CLUAP1: variants seen among roughly 807,000 people sequenced by gnomAD.
CLUAP1 encodes intraflagellar transport 38.
A neutral mutation model predicts 55.0 loss-of-function variants in CLUAP1; 50 were observed. The ratio of observed to expected loss-of-function variants is 0.91; its 90% CI spans 0.72 to 1.15. The LOEUF (loss-of-function observed/expected upper bound fraction) is 1.15, where lower values mean the gene tolerates loss of function less well. Among genes scored for constraint, CLUAP1 ranks in the 50% most tolerant of loss-of-function variants. CLUAP1 has a pLI of 0.00. For synonymous variants in CLUAP1, 195 were observed against 175.4 expected (o/e 1.11, Z -0.88); for missense variants, 530 against 507.6 (o/e 1.04, Z -0.42).
intron 8 of CLUAP1, 33 bp from the exon 9 acceptor site, chr16:3,526,379 A>C: frequency 6.6e-7 from 1 of 1,507,158 alleles, no homozygotes; most frequent in Non-Finnish European, 9.0e-7. Flanking sequence ...GAAAAGGGCC[A>C]TCTCTCCTGA....
chr16:3,496,153 A>G (rs2037306146), upstream of CLUAP1: 1 of 429,200 alleles, frequency 2.3e-6, no homozygotes, highest in South Asian at 1.9e-5. Context: ...AAAAAAAAAA[A>G]AGTTAAACAT....
intron 3 of CLUAP1, 141 bp downstream of exon 3, chr16:3,506,556 C>T (rs541918528): frequency 9.5e-5 from 65 of 683,734 alleles, no homozygotes; most frequent in African/African-American, 3.6e-4. Flanking sequence ...TCGCCCAGGC[C>T]GGAGTGCAGT....
At chr16:3,515,447 A>T (rs1399535618) in intron 5 of CLUAP1, 61 bp from the exon 6 acceptor site, 2 of 1,198,610 alleles carry the variant, frequency 1.7e-6, no homozygotes, top group East Asian at 4.8e-5. Flanking sequence ...TAGATCTAGG[A>T]ATACTGGTTT....
chr16:3,501,782 A>C (rs1482060534), intron 1 of CLUAP1, among the ~76,000 whole-genome samples: 1 of 151,952 alleles, frequency 6.6e-6, no homozygotes, highest in Non-Finnish European at 1.5e-5. Context: ...AAAAACAAAA[A>C]ACAAACCAAA....
At chr16:3,532,395 C>A (rs1432061204) in intron 10 of CLUAP1, among the ~76,000 whole-genome samples, 1 of 139,616 alleles carries the variant, frequency 7.2e-6, no homozygotes, top group Admixed American at 7.2e-5. Flanking sequence ...ATGTTTGGAG[C>A]ACAGTTGCTT....
chr16:3,538,907 G>A lies in CLUAP1; in HGVS notation c.*2636G>A, dbSNP rs1237748089. The A allele has an allele frequency of 3.3e-5, 5 of 152,186 alleles. No individual in the cohort carries two copies. The highest frequency in any genetic ancestry group is 1.2e-4 in the African/African-American group (5 of 41,448). The allele number at this position is 152,186 out of a possible 1,614,324, so 9.4% of individuals were successfully genotyped here. ...AGCAGAGCAGACCTCAGGACCTAAC[G>A]AGGATGGTTGTGATTAGGTCAAATA... On this transcript the variant is annotated 3_prime_UTR_variant, in exon 12 of 12. Transcript: ENST00000576634.
At position 3,533,206 on chromosome 16, in the gene CLUAP1, C is replaced by T. The variant is rs955995640; in HGVS notation, c.1092+365C>T. ...GTTTGTGGGTGTCTGTCAGCCCTCC[C>T]GGGGCCAGCCAGGGGCCTCTCCCTA... On this transcript the variant is annotated intron_variant, in intron 11 of 11. Transcript: ENST00000576634. The T allele has an allele frequency of 7.5e-5, 109 of 1,451,130 alleles. No homozygotes were observed. The Middle Eastern group carries it at 1.9e-3, about 25-fold the overall frequency. 89.9% of individuals were successfully genotyped at this position (1,451,130 alleles called of 1,614,324 possible). A position where few individuals can be genotyped will look rare whatever the true frequency, so the allele number is the denominator to read the frequency against.
chr16:3,525,547 C>G (rs560304253), intron 8 of CLUAP1, among the ~76,000 whole-genome samples: 1 of 151,700 alleles, frequency 6.6e-6, no homozygotes, highest in African/African-American at 2.4e-5. Context: ...CCCTCCCCCC[C>G]ACTCTCTCTC....
intron 1 of CLUAP1, among the ~76,000 whole-genome samples, chr16:3,504,425 G>T (rs1326947189): frequency 2.0e-5 from 3 of 152,118 alleles, no homozygotes; most frequent in Admixed American, 1.3e-4. Context: ...CCTTTTAGCA[G>T]TAAAAAGAAA....
upstream of CLUAP1, among the ~76,000 whole-genome samples, chr16:3,499,620 A>G (rs563201482): frequency 8.1e-4 from 124 of 152,338 alleles, no homozygotes; most frequent in African/African-American, 2.7e-3. Flanking sequence ...CCATTCTCTA[A>G]TTAGACTGTT....
chr16:3,533,232 G>A (rs930420494), intron 11 of CLUAP1: 7 of 1,147,922 alleles, frequency 6.1e-6, no homozygotes, highest in Non-Finnish European at 8.8e-6. Flanking sequence ...CCTCTCCCTA[G>A]GAGTGATGCT....
chr16:3,498,733 G>A (rs993174711), upstream of CLUAP1, among the ~76,000 whole-genome samples: 21 of 152,076 alleles, frequency 1.4e-4, no homozygotes, highest in Non-Finnish European at 2.8e-4. Context: ...GGTGGTGGGC[G>A]CCTGTAGTCC....
intron 9 of CLUAP1, among the ~76,000 whole-genome samples, chr16:3,528,169 T>A (rs1200555215): frequency 6.6e-6 from 1 of 152,220 alleles, no homozygotes; most frequent in East Asian, 1.9e-4. Context: ...AGGATCTTCC[T>A]GCTGAATTGA....
At chr16:3,512,020 C>T (rs2037636385) in intron 4 of CLUAP1, among the ~76,000 whole-genome samples, 1 of 151,980 alleles carries the variant, frequency 6.6e-6, no homozygotes. Context: ...AATCCTGTCT[C>T]TACTAAAAAT....
At chr16:3,498,753 G>C (rs2037337865), upstream of CLUAP1, among the ~76,000 whole-genome samples, 1 of 152,122 alleles carries the variant, frequency 6.6e-6, no homozygotes, top group South Asian at 2.1e-4. Context: ...CCAGCTACTT[G>C]GGAGGCCGAG....
chr16:3,500,734 A>G (rs568627027), upstream of CLUAP1, among the ~76,000 whole-genome samples: 6 of 152,320 alleles, frequency 3.9e-5, no homozygotes, highest in South Asian at 2.1e-4. Flanking sequence ...GCCTAGCGCA[A>G]TATCAAGCAC....
chr16:3,530,474 C>CA, intron 9 of CLUAP1, 94 bp from the exon 10 acceptor site: 1 of 817,996 alleles, frequency 1.2e-6, no homozygotes. Flanking sequence ...AAGAAATGAA[C>CA]AAATGACTTT....
rs769900645 is a variant in CLUAP1, at chr16:3,508,503, A to G, written c.399+35A>G. On this transcript the variant is annotated intron_variant, in intron 4 of 11. Transcript: ENST00000576634. ...ACAAAAGCCTTGTAGTGGGCGATGG[A>G]GCGTTGATTTCTTGAGCTCTGAAGT... 5 of 1,502,302 alleles carry G rather than the reference A, an allele frequency of 3.3e-6. No individual in the cohort carries two copies. The Admixed American group carries it at 1.3e-4, about 40-fold the overall frequency. 93.1% of individuals were successfully genotyped at this position (1,502,302 alleles called of 1,614,324 possible).
intron 5 of CLUAP1, among the ~76,000 whole-genome samples, chr16:3,513,984 A>G (rs1402059093): frequency 6.6e-6 from 1 of 152,204 alleles, no homozygotes; most frequent in South Asian, 2.1e-4. Flanking sequence ...ATGTCTGCTC[A>G]TCATATATTG....
Sources: allele counts gnomAD v4.1 joint callset (sites outside exome capture counted in the v4.1 genomes callset), GRCh38; gene constraint gnomAD v4.1.1; transcripts MANE v1.5; gene names NCBI Gene and HGNC (gene_info 2026-07-23, HGNC 2026-07-21).